The following DNAJC1 variants were observed in gnomAD, a reference collection of about 807,000 sequenced individuals.
DNAJC1 encodes DnaJ heat shock protein family (Hsp40) member C1.
In DNAJC1, 58 loss-of-function variants were observed where a neutral mutation model predicts 76.6. That is an observed-to-expected ratio of 0.76 (90% CI 0.61 to 0.94). DNAJC1 has a LOEUF of 0.94. Among genes scored for constraint, DNAJC1 ranks in the 40% least tolerant of loss-of-function variants. DNAJC1 has a pLI of 0.00. For missense variants in DNAJC1, 689 were observed against 677.3 expected (o/e 1.02, Z -0.19); for synonymous variants, 258 against 267.9 (o/e 0.96, Z 0.36).
At chr10:21,951,903 C>G (rs1837602633) in intron 1 of DNAJC1, among the ~76,000 whole-genome samples, 1 of 152,092 alleles carries the variant, frequency 6.6e-6, no homozygotes, top group Non-Finnish European at 1.5e-5. Flanking sequence ...TGAAATGTGT[C>G]CCTTTGTTAA....
At chr10:21,837,633 G>A (rs1209971640) in intron 8 of DNAJC1, among the ~76,000 whole-genome samples, 24 of 150,626 alleles carry the variant, frequency 1.6e-4, no homozygotes, top group Admixed American at 2.6e-4. Context: ...CCCTCCGCCC[G>A]GCAGCCACCC....
rs1385967113 is a variant in DNAJC1 at position 21,881,098 on chromosome 10, G to T, written c.978+1184C>A. Among the ~76,000 whole-genome samples the T allele has an allele frequency of 2.0e-5, 3 of 152,290 alleles. No homozygotes were observed. The East Asian group carries it at 5.8e-4, about 29-fold the overall frequency. ...AAGCCTAATGAACCAACCTCTGCTA[G>T]CTTCCAACTTTTCTTCTGCAGCTTC... On this transcript the variant is annotated intron_variant, in intron 8 of 11. Transcript: ENST00000376980.
intron 9 of DNAJC1, among the ~76,000 whole-genome samples, chr10:21,772,771 A>G (rs1383172577): frequency 6.6e-6 from 1 of 152,084 alleles, no homozygotes; most frequent in Non-Finnish European, 1.5e-5. Context: ...TCACATGGCT[A>G]TAAAGAAATG....
chr10:21,946,504 A>T (rs1165788252), intron 1 of DNAJC1, among the ~76,000 whole-genome samples: 8 of 152,150 alleles, frequency 5.3e-5, no homozygotes, highest in African/African-American at 1.9e-4. Context: ...TTTATAAAAA[A>T]GATAATTAGT....
intron 1 of DNAJC1, among the ~76,000 whole-genome samples, chr10:21,968,470 T>C (rs1284151010): frequency 1.3e-5 from 2 of 151,982 alleles, no homozygotes; most frequent in African/African-American, 4.8e-5. Context: ...GAGTATTTTC[T>C]CCATACTTTA....
intron 9 of DNAJC1, among the ~76,000 whole-genome samples, chr10:21,797,038 G>T (rs148879009): frequency 6.6e-6 from 1 of 152,172 alleles, no homozygotes; most frequent in African/African-American, 2.4e-5. Flanking sequence ...AATGTCATGA[G>T]GCTTTCTCCT....
At chr10:21,976,641 C>A (rs1207405596) in intron 1 of DNAJC1, among the ~76,000 whole-genome samples, 2 of 152,124 alleles carry the variant, frequency 1.3e-5, no homozygotes, top group Non-Finnish European at 2.9e-5. Context: ...TATTTCTTAA[C>A]CCATCAAAAA....
chr10:21,967,830 G>A (rs961554946), intron 1 of DNAJC1, among the ~76,000 whole-genome samples: 1 of 152,118 alleles, frequency 6.6e-6, no homozygotes, highest in South Asian at 2.1e-4. Flanking sequence ...CTCATGTATT[G>A]CTTTTTAAGG....
At chr10:21,801,181 G>A (rs1834809678) in intron 9 of DNAJC1, among the ~76,000 whole-genome samples, 1 of 152,024 alleles carries the variant, frequency 6.6e-6, no homozygotes, top group South Asian at 2.1e-4. Context: ...AATGAATAAT[G>A]GAATAATCAA....
At chr10:21,948,703 G>T (rs913290231) in intron 1 of DNAJC1, among the ~76,000 whole-genome samples, 1 of 152,100 alleles carries the variant, frequency 6.6e-6, no homozygotes, top group African/African-American at 2.4e-5. Context: ...TTTATCATAA[G>T]ATATGAATAT....
chr10:21,873,458 C>G (rs961520952), intron 8 of DNAJC1, among the ~76,000 whole-genome samples: 1 of 152,002 alleles, frequency 6.6e-6, no homozygotes, highest in Non-Finnish European at 1.5e-5. Flanking sequence ...CAGGTAATAG[C>G]TTATGTAATC....
At position 22,001,878 on chromosome 10, in the gene DNAJC1, T is replaced by C. The variant is rs1370537776; in HGVS notation, c.222+1335A>G. ...AATTATTTTTACACATACTCCATCA[T>C]TTGCTTTGAAAATGAGATATATAGT... On this transcript the variant is annotated intron_variant, in intron 1 of 11. Coordinates refer to ENST00000376980, the MANE Select transcript of DNAJC1 (RefSeq NM_022365.4). Among the ~76,000 whole-genome samples the C allele has an allele frequency of 2.0e-5, 3 of 152,192 alleles. No homozygotes were observed. In the East Asian group the frequency reaches 5.8e-4, roughly 29 times the overall value.
At chr10:21,905,433 C>G (rs1033894925) in intron 6 of DNAJC1, among the ~76,000 whole-genome samples, 1 of 152,072 alleles carries the variant, frequency 6.6e-6, no homozygotes, top group Non-Finnish European at 1.5e-5. Context: ...AGCTGCCAGC[C>G]CACACTGTGC....
At chr10:21,882,960 C>G (rs1160325083) in intron 7 of DNAJC1, among the ~76,000 whole-genome samples, 1 of 152,030 alleles carries the variant, frequency 6.6e-6, no homozygotes, top group Admixed American at 6.6e-5. Flanking sequence ...TATTAAATCC[C>G]ATTTTAGGCC....
intron 1 of DNAJC1, among the ~76,000 whole-genome samples, chr10:21,983,540 C>T (rs1025594794): frequency 1.3e-5 from 2 of 151,660 alleles, no homozygotes; most frequent in African/African-American, 2.4e-5. Flanking sequence ...GCCTGTCAAA[C>T]GAAGACCTGT....
At chr10:21,813,540 C>T (rs536401276) in intron 8 of DNAJC1, among the ~76,000 whole-genome samples, 13 of 151,930 alleles carry the variant, frequency 8.6e-5, no homozygotes, top group African/African-American at 2.4e-4. Flanking sequence ...GGACTACAGG[C>T]GCCCACCATC....
intron 7 of DNAJC1, among the ~76,000 whole-genome samples, chr10:21,883,047 C>T (rs1416603985): frequency 6.6e-6 from 1 of 151,948 alleles, no homozygotes; most frequent in East Asian, 1.9e-4. Context: ...GCCAGGAGTT[C>T]GAGACCAGCC....
chr10:21,824,952 T>A (rs1485105870), intron 8 of DNAJC1, among the ~76,000 whole-genome samples: 3 of 152,016 alleles, frequency 2.0e-5, no homozygotes, highest in African/African-American at 7.3e-5. Context: ...TTTTTTGTAT[T>A]TTTAGTAGAG....
At chr10:21,970,650 A>G (rs1311267256) in intron 1 of DNAJC1, among the ~76,000 whole-genome samples, 1 of 152,022 alleles carries the variant, frequency 6.6e-6, no homozygotes, top group Non-Finnish European at 1.5e-5. Context: ...TGATAGACCA[A>G]AGATTTATTT....
Sources: gnomAD v4.1 joint callset for allele counts (sites outside exome capture counted in the v4.1 genomes callset) on GRCh38, gnomAD v4.1.1 for gene constraint, MANE v1.5 for transcripts, NCBI Gene and HGNC (gene_info 2026-07-23, HGNC 2026-07-21) for gene names.